Variants in SLC9A6 observed in about 807,000 individuals in gnomAD.
SLC9A6 encodes sodium/hydrogen exchanger 6.
In SLC9A6, 6 loss-of-function variants were observed where a neutral mutation model predicts 45.3. The observed-to-expected ratio is 0.13, with a 90% CI of 0.07 to 0.26. SLC9A6 has a LOEUF of 0.26. SLC9A6 is among the 10% of genes least tolerant of loss of function. The probability of loss-of-function intolerance (pLI) is 1.00; values close to 1 mark genes in which losing one functional copy is unlikely to be tolerated. For synonymous variants in SLC9A6, 191 were observed against 187.7 expected (o/e 1.02, Z -0.14); for missense variants, 278 against 503.7 (o/e 0.55, Z 4.29).
chrX:135,986,083 G>A (rs1441807908), intron 2 of SLC9A6, among the ~76,000 whole-genome samples: 3 of 108,659 alleles, frequency 2.8e-5, no homozygotes, highest in Non-Finnish European at 3.8e-5. Flanking sequence ...CGCACCCCCA[G>A]CCCCCCACCC....
chrX:136,037,972 G>A (rs1275654051), intron 16 of SLC9A6, among the ~76,000 whole-genome samples: 1 of 111,851 alleles, frequency 8.9e-6, no homozygotes, highest in Admixed American at 9.5e-5. Context: ...ATAATTAAAT[G>A]ATCTATGACT....
chrX:136,027,575 A>G lies in SLC9A6; in HGVS notation c.1461-1311A>G, dbSNP rs782157001. On this transcript the variant is annotated intron_variant, in intron 13 of 17. Coordinates refer to ENST00000630721, the MANE Select transcript of SLC9A6 (RefSeq NM_001379110.1). ...GTAAATATATCAGGCTTTGGAGGCC[A>G]TATGGTCTGTCTCAGCTACTCAACT... Among the ~76,000 whole-genome samples, 5 of 112,176 alleles carry G rather than the reference A, an allele frequency of 4.5e-5. No individual in the cohort carries two copies. The South Asian group carries it at 1.9e-3, about 42-fold the overall frequency.
chrX:135,996,973 A>G (rs915316088), intron 3 of SLC9A6, among the ~76,000 whole-genome samples: 1 of 110,314 alleles, frequency 9.1e-6, no homozygotes, highest in Non-Finnish European at 1.9e-5. Flanking sequence ...TCACCGTGTT[A>G]GCCAGGATGG....
chrX:136,040,252 GTTTTA>G (rs1444652901), intron 17 of SLC9A6, 71 bp downstream of exon 17: 13 of 777,383 alleles, frequency 1.7e-5, no homozygotes, highest in Middle Eastern at 4.3e-4. Flanking sequence ...TGAGTCACTG[GTTTTA>G]TTTTATTTTG....
Position 136,044,742 on chromosome X carries a change from T to C in SLC9A6, c.*18T>C. 2.5e-6 allele frequency: 3 copies of C among 1,204,188 alleles called. No individual in the cohort carries two copies. Among genetic ancestry groups the C allele is most frequent in the Middle Eastern group, 2.3e-4 (1 of 4,333 alleles). On this transcript the variant is annotated 3_prime_UTR_variant, in exon 18 of 18. Transcript: ENST00000630721. ...CAGCCTAAGCTTACTAATACTCACT[T>C]AGTGATTTGTAAAATTTGCACATGT...
At chrX:135,974,803 G>C (rs1160707275) in intron 1 of SLC9A6, 2 of 313,647 alleles carry the variant, frequency 6.4e-6, no homozygotes, top group Non-Finnish European at 1.3e-5. Context: ...AAAGATTCGC[G>C]CAAAAAGAGG....
intron 11 of SLC9A6, among the ~76,000 whole-genome samples, chrX:136,019,188 C>A (rs181528782): frequency 2.8e-3 from 313 of 112,291 alleles, no homozygotes; most frequent in African/African-American, 9.8e-3. Context: ...AAGACTCAAA[C>A]TAATCCAGGT....
rs1556618492 is a variant in SLC9A6, at chrX:136,010,454, A to G, written c.756A>G (p.Ala252=). Residue 252 remains alanine (A), a synonymous_variant, in exon 8 of 18, where the codon GCA becomes GCG. Coordinates refer to ENST00000630721, the MANE Select transcript of SLC9A6 (RefSeq NM_001379110.1). ...CTCTCTTCTGTAGCTCAATAGTGGC[A>G]TACCAGCCAGCTGGAGACAACAGTC... ...VAIVLSSSIV[A]YQPAGDNSHT... 1 of 1,211,319 alleles carries G rather than the reference A, an allele frequency of 8.3e-7. No homozygotes were observed. The highest frequency in any genetic ancestry group is 1.1e-6 in the Non-Finnish European group (1 of 894,946).
intron 13 of SLC9A6, among the ~76,000 whole-genome samples, chrX:136,025,560 T>C (rs1199498829): frequency 8.9e-6 from 1 of 112,663 alleles, no homozygotes; most frequent in Non-Finnish European, 1.9e-5. Context: ...ATAATTTCTG[T>C]GCTTTTATTG....
Position 135,998,467 on chromosome X carries a change from T to TTC in SLC9A6, c.448-14_448-13insCT. ...GGTAAGTATTCTAACAGTGTAACTT[T>TTC]TTTTTTTTTGTCAGAGACATTTTTT... is the stretch of plus-strand genomic sequence containing the variant. On this transcript the variant is annotated splice_polypyrimidine_tract_variant and intron_variant, in intron 4 of 17. Coordinates refer to ENST00000630721, the MANE Select transcript of SLC9A6 (RefSeq NM_001379110.1). 1 of 1,136,678 alleles carries TTC rather than the reference T, an allele frequency of 8.8e-7. No homozygotes were observed. Among genetic ancestry groups the TTC allele is most frequent in the Non-Finnish European group, 1.2e-6 (1 of 852,857 alleles). The allele number at this position is 1,136,678 out of a possible 1,213,427, so 93.7% of individuals were successfully genotyped here.
upstream of SLC9A6, among the ~76,000 whole-genome samples, chrX:135,981,915 A>G (rs189143587): frequency 1.2e-4 from 13 of 112,450 alleles, no homozygotes; most frequent in Admixed American, 3.7e-4. Context: ...TGCAATCCAC[A>G]GTCTCTTTTG....
chrX:136,013,518 T>A (rs2070962836), intron 10 of SLC9A6, 81 bp downstream of exon 10: 19 of 631,525 alleles, frequency 3.0e-5, no homozygotes, highest in Non-Finnish European at 4.5e-5. Flanking sequence ...AAAAAAAAAA[T>A]AGTCTTTGAT....
At chrX:135,976,092 G>A (rs1556613320) in intron 1 of SLC9A6, among the ~76,000 whole-genome samples, 1 of 107,827 alleles carries the variant, frequency 9.3e-6, no homozygotes, top group African/African-American at 3.4e-5. Flanking sequence ...CTTTAGTCAT[G>A]TTCATTATTC....
intron 2 of SLC9A6, among the ~76,000 whole-genome samples, chrX:135,986,698 TTTA>T (rs781979699): frequency 3.7e-5 from 4 of 109,342 alleles, no homozygotes; most frequent in African/African-American, 3.3e-5. Flanking sequence ...CTTTCTGAGG[TTTA>T]TTATTATTAT....
At chrX:136,005,960 C>A (rs2089650895) in intron 7 of SLC9A6, among the ~76,000 whole-genome samples, 4 of 111,720 alleles carry the variant, frequency 3.6e-5, no homozygotes, top group Admixed American at 9.5e-5. Context: ...ATTGTTAGCT[C>A]TGTGTTTTAA....
chrX:135,996,023 CTTTTTTTTTTT>C (rs1167208674), intron 3 of SLC9A6, among the ~76,000 whole-genome samples: 1 of 55,352 alleles, frequency 1.8e-5, no homozygotes, highest in East Asian at 6.2e-4. Flanking sequence ...CAGGACTTGA[CTTTTTTTTTTT>C]TTTTTTTTTT....
chrX:135,976,479 G>A lies in SLC9A6; in HGVS notation c.-57+1696G>A, dbSNP rs782741284. Among the ~76,000 whole-genome samples, 3 of 109,872 alleles carry A rather than the reference G, an allele frequency of 2.7e-5. No individual in the cohort carries two copies. In the South Asian group the frequency reaches 1.2e-3, roughly 43 times the overall value. ...TTGCCGGGCGTGGTGGTGGGCCCCT[G>A]TAATTCCAGCTACTCAGGAGGCTGA... is the stretch of plus-strand genomic sequence containing the variant. On this transcript the variant is annotated intron_variant, in intron 1 of 16. Coordinates refer to the SLC9A6 transcript ENST00000636092.
chrX:135,993,752 C>T (rs1346792965), intron 2 of SLC9A6, among the ~76,000 whole-genome samples: 2 of 110,215 alleles, frequency 1.8e-5, no homozygotes, highest in African/African-American at 6.6e-5. Context: ...GATCATGCCA[C>T]TGCACTCCAG....
Position 136,004,529 on chromosome X carries a change from T to C in SLC9A6, c.743+2316T>C, listed in dbSNP as rs146809955. Among the ~76,000 whole-genome samples the C allele has an allele frequency of 6.7e-3, 751 of 112,245 alleles. 11 individuals are homozygous for C. The highest frequency in any genetic ancestry group is 0.021 in the African/African-American group (654 of 30,944). On this transcript the variant is annotated intron_variant, in intron 7 of 17. Coordinates refer to ENST00000630721, the MANE Select transcript of SLC9A6 (RefSeq NM_001379110.1). ...TTATTTCTCTCCTTAATTTTCACTT[T>C]GTTAGTTATGAAAGAATAAAACATC...
Sources: allele counts gnomAD v4.1 joint callset (sites outside exome capture counted in the v4.1 genomes callset), GRCh38; gene constraint gnomAD v4.1.1; transcripts MANE v1.5; gene names NCBI Gene and HGNC (gene_info 2026-07-23, HGNC 2026-07-21).